ZFPM2: variants seen among roughly 807,000 people sequenced by gnomAD.
The protein encoded by ZFPM2 is zinc finger protein ZFPM2.
Under a neutral mutation model 98.6 loss-of-function variants are expected in ZFPM2, and 20 were observed. That is an observed-to-expected ratio of 0.20 (90% CI 0.14 to 0.29). The LOEUF is 0.29. Ranked by LOEUF, ZFPM2 falls within the 10% of genes least tolerant of loss-of-function variation. The pLI is 1.00. For synonymous variants in ZFPM2, 518 were observed against 502.7 expected (o/e 1.03, Z -0.41); for missense variants, 1,310 against 1,388.6 (o/e 0.94, Z 0.90).
At chr8:105,767,042 G>C (rs1288782413) in intron 5 of ZFPM2, among the ~76,000 whole-genome samples, 1 of 151,856 alleles carries the variant, frequency 6.6e-6, no homozygotes, top group African/African-American at 2.4e-5. Context: ...TGCTACAACA[G>C]AGTAACTATC....
chr8:105,627,418 C>A lies in ZFPM2; in HGVS notation c.421-6828C>A, dbSNP rs143479834. 2.3e-3 allele frequency among the ~76,000 whole-genome samples: 352 copies of A among 151,912 alleles called. 1 individual carries two copies. The highest frequency in any genetic ancestry group is 7.8e-3 in the African/African-American group (325 of 41,420). The stretch of plus-strand genomic sequence containing the variant: ...GGAGCTTCAAAAGTGCACAAGATTT[C>A]TTTTTTTTAAAAAAGAAGACATTCC... On this transcript the variant is annotated intron_variant, in intron 4 of 7. Coordinates refer to ENST00000407775, the MANE Select transcript of ZFPM2 (RefSeq NM_012082.4).
intron 1 of ZFPM2, among the ~76,000 whole-genome samples, chr8:105,406,909 C>T (rs948738301): frequency 3.3e-5 from 5 of 151,878 alleles, no homozygotes; most frequent in Non-Finnish European, 7.4e-5. Context: ...ACTACATTTT[C>T]ATAAAACTCT....
intron 1 of ZFPM2, chr8:105,418,481 A>G (rs1811726260): frequency 4.0e-6 from 2 of 496,348 alleles, no homozygotes; most frequent in Admixed American, 2.2e-5. Flanking sequence ...AGGGAGTTGT[A>G]TTTTTATTAC....
chr8:105,781,990 T>G (rs1277411411), intron 5 of ZFPM2, among the ~76,000 whole-genome samples: 2 of 152,184 alleles, frequency 1.3e-5, no homozygotes, highest in African/African-American at 4.8e-5. Flanking sequence ...AAAATCTGCC[T>G]TATTCAAATG....
rs368604381 is a variant in ZFPM2 at position 105,388,322 on chromosome 8, A to G, written c.41-30822A>G. Reference sequence around the variant, plus strand: ...GAAAGAGAAGAAGAAATGGAGAGAAAAGGGAAAAGGAGATGGGGTTGGGGG... The same window carrying G: ...GAAAGAGAAGAAGAAATGGAGAGAAGAGGGAAAAGGAGATGGGGTTGGGGG... On this transcript the variant is annotated intron_variant, in intron 1 of 7. Coordinates refer to ENST00000407775, the MANE Select transcript of ZFPM2 (RefSeq NM_012082.4). Among the ~76,000 whole-genome samples the G allele has an allele frequency of 6.9e-4, 105 of 152,244 alleles. 1 individual carries two copies. In the South Asian group the frequency reaches 0.021, roughly 30 times the overall value.
rs1320370330 is a variant in ZFPM2 at position 105,318,612 on chromosome 8, G to A, written c.-330G>A. ...CCCTCCTTCTCTTCCTTCTTTCCGTGTTATTTTTCTCTTCTCTTTCCCCTT... is the reference window on the plus strand; with the variant it reads ...CCCTCCTTCTCTTCCTTCTTTCCGTATTATTTTTCTCTTCTCTTTCCCCTT... On this transcript the variant is annotated 5_prime_UTR_variant, in exon 1 of 8. Transcript: ENST00000407775. The A allele has an allele frequency of 1.3e-5, 2 of 151,012 alleles. No individual in the cohort carries two copies. Among genetic ancestry groups the A allele is most frequent in the East Asian group, 2.0e-4 (1 of 5,062 alleles). The allele number at this position is 151,012 out of a possible 1,614,324, so 9.4% of individuals were successfully genotyped here.
intron 1 of ZFPM2, among the ~76,000 whole-genome samples, chr8:105,402,584 A>C (rs976804493): frequency 2.6e-5 from 4 of 151,538 alleles, no homozygotes; most frequent in African/African-American, 9.8e-5. Flanking sequence ...CTATTAATCT[A>C]ATATGTGTTT....
At chr8:105,652,798 A>T (rs570698618) in intron 5 of ZFPM2, among the ~76,000 whole-genome samples, 1 of 152,332 alleles carries the variant, frequency 6.6e-6, no homozygotes, top group Non-Finnish European at 1.5e-5. Flanking sequence ...GTAATATATT[A>T]CATTTCTGTT....
intron 1 of ZFPM2, chr8:105,418,828 A>C: frequency 1.9e-6 from 1 of 536,470 alleles, no homozygotes; most frequent in Non-Finnish European, 3.6e-6. Context: ...ATGAACATAA[A>C]GTGCACAGTT....
chr8:105,693,491 A>G (rs1460686799), intron 5 of ZFPM2, among the ~76,000 whole-genome samples: 2 of 152,220 alleles, frequency 1.3e-5, no homozygotes, highest in Non-Finnish European at 2.9e-5. Context: ...ACTACACTAC[A>G]TGCCCAACAT....
chr8:105,330,534 C>CTA (rs1260518139), intron 1 of ZFPM2, among the ~76,000 whole-genome samples: 5 of 91,866 alleles, frequency 5.4e-5, no homozygotes, highest in Admixed American at 2.3e-4. Flanking sequence ...CTCTCTCTCT[C>CTA]TCTCTATATA....
rs200641509 is a variant in ZFPM2, at chr8:105,420,837, TGA to T, written c.199+1539_199+1540del. Among the ~76,000 whole-genome samples, 874 of 152,236 alleles carry T rather than the reference TGA, an allele frequency of 5.7e-3. 4 individuals are homozygous for T. Among genetic ancestry groups the T allele is most frequent in the African/African-American group, 0.02 (822 of 41,554 alleles). ...GTGATGTTGCAATAAAGAGAGGAAT[TGA>T]GAGTTAGAAGGTGAATAAAAGAGTT... On this transcript the variant is annotated intron_variant, in intron 2 of 7. Transcript: ENST00000407775.
intron 5 of ZFPM2, among the ~76,000 whole-genome samples, chr8:105,746,213 A>C (rs2131042708): frequency 6.6e-6 from 1 of 152,046 alleles, no homozygotes; most frequent in Non-Finnish European, 1.5e-5. Flanking sequence ...TACAAAATAA[A>C]GCTAAGGAGT....
intron 5 of ZFPM2, among the ~76,000 whole-genome samples, chr8:105,675,569 A>G (rs552924017): frequency 2.4e-4 from 37 of 152,164 alleles, no homozygotes; most frequent in Admixed American, 7.9e-4. Context: ...GTGGGCCAGA[A>G]CGTGGAGTTG....
intron 5 of ZFPM2, among the ~76,000 whole-genome samples, chr8:105,756,459 G>A (rs1812600335): frequency 6.6e-6 from 1 of 152,104 alleles, no homozygotes; most frequent in Non-Finnish European, 1.5e-5. Context: ...AAAAAGCTCT[G>A]GTGGGCAGTC....
At chr8:105,460,514 G>A (rs142350741) in intron 3 of ZFPM2, among the ~76,000 whole-genome samples, 5 of 152,228 alleles carry the variant, frequency 3.3e-5, no homozygotes, top group Non-Finnish European at 7.3e-5. Context: ...CGCAGGCACG[G>A]GGAGCATGGC....
chr8:105,605,548 T>C (rs1258574645), intron 4 of ZFPM2, among the ~76,000 whole-genome samples: 1 of 152,104 alleles, frequency 6.6e-6, no homozygotes, highest in Admixed American at 6.6e-5. Flanking sequence ...GGTTGTGCCA[T>C]GAACAACCAT....
intron 2 of ZFPM2, 60 bp downstream of exon 2, chr8:105,419,362 A>T (rs553479687): frequency 2.1e-5 from 32 of 1,492,442 alleles, no homozygotes; most frequent in African/African-American, 2.6e-5. Flanking sequence ...GTAATGTTTT[A>T]AAAAAATGCA....
At chr8:105,764,171 A>G (rs550114344) in intron 5 of ZFPM2, among the ~76,000 whole-genome samples, 1 of 151,908 alleles carries the variant, frequency 6.6e-6, no homozygotes, top group Admixed American at 6.6e-5. Context: ...GGGAATAGAT[A>G]GAAGTGCAAT....
Sources: gnomAD v4.1 joint callset for allele counts (sites outside exome capture counted in the v4.1 genomes callset) on GRCh38, gnomAD v4.1.1 for gene constraint, MANE v1.5 for transcripts, NCBI Gene and HGNC (gene_info 2026-07-23, HGNC 2026-07-21) for gene names.